The following KCNMA1 variants were observed in gnomAD, a reference collection of about 807,000 sequenced individuals.
KCNMA1 encodes the protein Calcium-activated potassium channel subunit alpha-1.
Under a neutral mutation model 140.0 loss-of-function variants are expected in KCNMA1, and 29 were observed. The observed-to-expected ratio is 0.21, with a 90% CI of 0.15 to 0.28. The LOEUF (loss-of-function observed/expected upper bound fraction) is 0.28. Among genes scored for constraint, KCNMA1 ranks in the 10% least tolerant of loss-of-function variants. The pLI is 1.00. For missense variants in KCNMA1, 880 were observed against 1,602.2 expected, an observed-to-expected ratio of 0.55 and a Z score of 7.70; for synonymous variants, 612 against 611.9, an observed-to-expected ratio of 1.00 and a Z score of 0.00.
chr10:77,625,482 A>G (rs187096264), intron 1 of KCNMA1, among the ~76,000 whole-genome samples: 12 of 152,258 alleles, frequency 7.9e-5, no homozygotes, highest in Non-Finnish European at 1.3e-4. Flanking sequence ...GAACTTTTTC[A>G]TCTTACAAAA....
chr10:77,579,236 G>A (rs1158043181), intron 1 of KCNMA1, among the ~76,000 whole-genome samples: 1 of 152,264 alleles, frequency 6.6e-6, no homozygotes, highest in Non-Finnish European at 1.5e-5. Flanking sequence ...GCAGCTGGGA[G>A]TTGCTAAGAG....
At chr10:77,009,504 C>T (rs2090160077) in intron 18 of KCNMA1, among the ~76,000 whole-genome samples, 1 of 152,142 alleles carries the variant, frequency 6.6e-6, no homozygotes. Flanking sequence ...CTTCCACTTC[C>T]ACTCCTTCCT....
intron 3 of KCNMA1, among the ~76,000 whole-genome samples, chr10:77,233,691 G>A (rs1198041780): frequency 2.6e-5 from 4 of 152,168 alleles, no homozygotes; most frequent in Admixed American, 2.6e-4. Flanking sequence ...ATGCAGTCTT[G>A]CAAGCCTGCT....
intron 1 of KCNMA1, among the ~76,000 whole-genome samples, chr10:77,565,419 C>A (rs530502648): frequency 6.6e-6 from 1 of 152,024 alleles, no homozygotes; most frequent in African/African-American, 2.4e-5. Flanking sequence ...GTTAATATGA[C>A]AGTTAAGATG....
intron 2 of KCNMA1, among the ~76,000 whole-genome samples, chr10:77,334,263 T>C (rs1387248563): frequency 6.6e-6 from 1 of 152,206 alleles, no homozygotes; most frequent in Non-Finnish European, 1.5e-5. Context: ...ACTGAGCATT[T>C]TGTGGGGGAG....
At chr10:77,261,188 C>A (rs1385189172) in intron 2 of KCNMA1, among the ~76,000 whole-genome samples, 1 of 152,160 alleles carries the variant, frequency 6.6e-6, no homozygotes, top group East Asian at 1.9e-4. Context: ...CCCTGGGAAA[C>A]AACAGGGTTC....
At chr10:77,559,466 C>CA (rs1430344605) in intron 1 of KCNMA1, among the ~76,000 whole-genome samples, 4 of 152,266 alleles carry the variant, frequency 2.6e-5, no homozygotes, top group African/African-American at 9.6e-5. Context: ...AATGGTGCTG[C>CA]ACCTTAACCC....
At chr10:77,583,245 G>C (rs933930837) in intron 1 of KCNMA1, among the ~76,000 whole-genome samples, 4 of 152,194 alleles carry the variant, frequency 2.6e-5, no homozygotes, top group Non-Finnish European at 5.9e-5. Flanking sequence ...GTCTTATGCA[G>C]GTCTGACCAC....
At position 77,531,854 on chromosome 10, in the gene KCNMA1, G is replaced by C. The variant is rs375619173; in HGVS notation, c.378+105411C>G. Among the ~76,000 whole-genome samples, 3 of 152,210 alleles carry C rather than the reference G, an allele frequency of 2.0e-5. No homozygotes were observed. In the East Asian group the frequency reaches 5.8e-4, roughly 29 times the overall value. On this transcript the variant is annotated intron_variant, in intron 1 of 27. Transcript: ENST00000286628. Reference sequence around the variant, plus strand: ...GGGACTTGCCCACGGGCACTCAGCTGTGTCAGTCCAGGGCTAAAAGGAAGT... The same window carrying C: ...GGGACTTGCCCACGGGCACTCAGCTCTGTCAGTCCAGGGCTAAAAGGAAGT...
Position 77,035,057 on chromosome 10 carries a change from C to G in KCNMA1, c.1859+4471G>C, listed in dbSNP as rs368287940. Among the ~76,000 whole-genome samples the G allele has an allele frequency of 2.0e-4, 31 of 152,198 alleles. No homozygotes were observed. In the South Asian group the frequency reaches 5.8e-3, roughly 29 times the overall value. On this transcript the variant is annotated intron_variant, in intron 15 of 27. Coordinates refer to ENST00000286628, the MANE Select transcript of KCNMA1 (RefSeq NM_001161352.2). ...GTGCACCCTCGCTTTCGCAAGTGCT[C>G]ACCAAAAACACTGTTATCAGTTTCC...
At chr10:77,452,876 AGAT>A (rs1343073830) in intron 1 of KCNMA1, among the ~76,000 whole-genome samples, 1 of 152,186 alleles carries the variant, frequency 6.6e-6, no homozygotes, top group Admixed American at 6.5e-5. Flanking sequence ...TCCCTAATCA[AGAT>A]GATAAGAAAG....
chr10:76,990,132 G>A (rs1189582859), intron 19 of KCNMA1, among the ~76,000 whole-genome samples: 2 of 152,160 alleles, frequency 1.3e-5, no homozygotes, highest in African/African-American at 2.4e-5. Context: ...AAAGTCACAT[G>A]GTAGTAGGAC....
At chr10:77,035,360 A>G (rs925511293) in intron 15 of KCNMA1, among the ~76,000 whole-genome samples, 10 of 152,190 alleles carry the variant, frequency 6.6e-5, no homozygotes, top group Admixed American at 4.6e-4. Context: ...AGATGTCCCT[A>G]TAACTCTCAG....
intron 1 of KCNMA1, among the ~76,000 whole-genome samples, chr10:77,501,090 G>C (rs1413772497): frequency 6.6e-6 from 1 of 152,248 alleles, no homozygotes; most frequent in African/African-American, 2.4e-5. Context: ...ATAGGCTCTG[G>C]AGGGCCAGGG....
chr10:76,927,543 T>C (rs896513069), intron 23 of KCNMA1, among the ~76,000 whole-genome samples: 9 of 152,268 alleles, frequency 5.9e-5, no homozygotes, highest in Admixed American at 3.3e-4. Context: ...AGAAAGACAA[T>C]GGATATGCAG....
chr10:77,239,159 A>G (rs1649966684), intron 3 of KCNMA1, among the ~76,000 whole-genome samples: 1 of 152,150 alleles, frequency 6.6e-6, no homozygotes, highest in Admixed American at 6.5e-5. Flanking sequence ...TTGCCTTATT[A>G]TTTCTACTCA....
At chr10:77,202,507 T>C (rs2042791580) in intron 3 of KCNMA1, among the ~76,000 whole-genome samples, 1 of 152,184 alleles carries the variant, frequency 6.6e-6, no homozygotes, top group African/African-American at 2.4e-5. Flanking sequence ...GGCTAAGCCA[T>C]CCTTTTCCTT....
chr10:77,056,264 C>T (rs926768363), intron 14 of KCNMA1, among the ~76,000 whole-genome samples: 12 of 152,106 alleles, frequency 7.9e-5, no homozygotes, highest in Non-Finnish European at 4.4e-5. Context: ...CCTGTAATCC[C>T]AGCTACTTGG....
Position 77,110,098 on chromosome 10 carries a change from A to G in KCNMA1, c.1131+75T>C, listed in dbSNP as rs979755574. 2.0e-5 allele frequency: 26 copies of G among 1,313,538 alleles called. No homozygotes were observed. The African/African-American group carries it at 3.6e-4, about 18-fold the overall frequency. The allele number at this position is 1,313,538 out of a possible 1,614,324, so 81.4% of individuals were successfully genotyped here. On this transcript the variant is annotated intron_variant, in intron 8 of 27. Coordinates refer to ENST00000286628, the MANE Select transcript of KCNMA1 (RefSeq NM_001161352.2). ...AGTGCAGAATACAGTCTAAAATACA[A>G]AGCTTTAAGGAAATGTATCATGGAA...
Sources: gnomAD v4.1 joint callset for allele counts (sites outside exome capture counted in the v4.1 genomes callset) on GRCh38, gnomAD v4.1.1 for gene constraint, MANE v1.5 for transcripts, NCBI Gene and HGNC (gene_info 2026-07-23, HGNC 2026-07-21) for gene names.